ENPP2: variants seen among roughly 807,000 people sequenced by gnomAD.
ENPP2 encodes autotaxin.
A neutral mutation model predicts 120.2 loss-of-function variants in ENPP2; 51 were observed. The ratio of observed to expected loss-of-function variants is 0.42; its 90% CI spans 0.34 to 0.54. The LOEUF (loss-of-function observed/expected upper bound fraction) is 0.54, where lower values mean the gene tolerates loss of function less well. Among genes scored for constraint, ENPP2 ranks in the 20% least tolerant of loss-of-function variants. ENPP2 has a pLI of 0.04. For missense variants in ENPP2, 920 were observed against 1,066.5 expected (o/e 0.86, Z 1.91); for synonymous variants, 365 against 366.4 (o/e 1.00, Z 0.04).
Position 119,617,167 on chromosome 8 carries a change from G to A in ENPP2, c.654C>T (p.Ala218=), listed in dbSNP as rs1563737563. The change falls in exon 7 of 25, where the codon GCC becomes GCT. Residue 218 remains alanine (A), a synonymous_variant. Transcript: ENST00000075322. ...TKTFPNLYTL[A]TGLYPESHGI... is the part of the protein sequence containing the mutation. Reference sequence around the variant, plus strand: ...TATCATTCGAAAAAATACTTACAGTGGCCAAAGTGTATAAGTTAGGAAAGG... The same window carrying A: ...TATCATTCGAAAAAATACTTACAGTAGCCAAAGTGTATAAGTTAGGAAAGG... 1.9e-6 allele frequency: 3 copies of A among 1,604,948 alleles called. No homozygotes were observed. Among genetic ancestry groups the A allele is most frequent in the Non-Finnish European group, 2.6e-6 (3 of 1,171,684 alleles).
chr8:119,607,325 C>G, intron 9 of ENPP2, among the ~76,000 whole-genome samples: 1 of 152,056 alleles, frequency 6.6e-6, no homozygotes, highest in Non-Finnish European at 1.5e-5. Context: ...AACCTACAAA[C>G]AGGAATAGAA....
At chr8:119,656,513 A>T (rs1817770342) in intron 1 of ENPP2, among the ~76,000 whole-genome samples, 1 of 152,184 alleles carries the variant, frequency 6.6e-6, no homozygotes, top group Admixed American at 6.5e-5. Context: ...CCATTCATTT[A>T]TTTCCTTGTC....
chr8:119,653,027 A>C (rs1434431665), intron 1 of ENPP2, among the ~76,000 whole-genome samples: 1 of 152,134 alleles, frequency 6.6e-6, no homozygotes, highest in Non-Finnish European at 1.5e-5. Flanking sequence ...ACCCTAAATG[A>C]CTTCATTTTA....
chr8:119,623,173 G>A (rs980490795), intron 3 of ENPP2, among the ~76,000 whole-genome samples: 1 of 152,062 alleles, frequency 6.6e-6, no homozygotes, highest in African/African-American at 2.4e-5. Context: ...CATTAATAAA[G>A]AGATATTACG....
chr8:119,610,424 G>A (rs796694710), intron 8 of ENPP2, among the ~76,000 whole-genome samples: 1 of 152,046 alleles, frequency 6.6e-6, no homozygotes, highest in African/African-American at 2.4e-5. Flanking sequence ...TTCCCAAGGG[G>A]GGGAAAAAGG....
At chr8:119,632,967 G>T (rs1816774050) in intron 2 of ENPP2, among the ~76,000 whole-genome samples, 1 of 152,184 alleles carries the variant, frequency 6.6e-6, no homozygotes, top group Non-Finnish European at 1.5e-5. Context: ...TAGGGCTGAG[G>T]CAAGAGAATT....
intron 1 of ENPP2, among the ~76,000 whole-genome samples, chr8:119,671,387 T>C (rs1046102631): frequency 1.8e-4 from 27 of 152,210 alleles, no homozygotes; most frequent in Admixed American, 1.6e-3. Context: ...ATGAGACTAA[T>C]GGGAAGTTGT....
At chr8:119,587,587 T>C (rs1227690481) in intron 13 of ENPP2, among the ~76,000 whole-genome samples, 1 of 152,198 alleles carries the variant, frequency 6.6e-6, no homozygotes, top group Non-Finnish European at 1.5e-5. Flanking sequence ...TGGGTGTAAT[T>C]ACACAGGTAG....
At chr8:119,574,491 T>C (rs560653740) in intron 19 of ENPP2, among the ~76,000 whole-genome samples, 34 of 151,996 alleles carry the variant, frequency 2.2e-4, no homozygotes, top group Non-Finnish European at 4.3e-4. Context: ...ATAGTGTCTC[T>C]GGCAGTTTTG....
rs1225309244 is a variant in ENPP2 at position 119,616,390 on chromosome 8, T to C, written c.658-6A>G. On this transcript the variant is annotated splice_polypyrimidine_tract_variant and splice_region_variant and intron_variant, in intron 7 of 24. Transcript: ENST00000075322. ...TGTGATTCTGGATATAGCCCCTTTT[T>C]GTAAAAGCAAATTTATTGTTAAAAT... The C allele has an allele frequency of 6.3e-7, 1 of 1,581,700 alleles. No individual in the cohort carries two copies. The highest frequency in any genetic ancestry group is 1.3e-5 in the African/African-American group (1 of 74,466).
intron 1 of ENPP2, among the ~76,000 whole-genome samples, chr8:119,645,115 G>GA (rs1327292476): frequency 5.3e-5 from 8 of 152,166 alleles, no homozygotes; most frequent in Admixed American, 3.3e-4. Flanking sequence ...TGCAGAGAAA[G>GA]AAATGGAGGT....
intron 18 of ENPP2, among the ~76,000 whole-genome samples, chr8:119,581,763 CTT>C (rs35114182): frequency 1.7e-4 from 24 of 141,002 alleles, no homozygotes; most frequent in Admixed American, 2.1e-4. Flanking sequence ...TTTTCATTTC[CTT>C]TTTTTTTTTT....
upstream of ENPP2, among the ~76,000 whole-genome samples, chr8:119,641,101 T>A (rs1250316696): frequency 6.6e-6 from 1 of 152,200 alleles, no homozygotes; most frequent in Non-Finnish European, 1.5e-5. Context: ...TTTTACCAGC[T>A]TGTTGTGCAT....
chr8:119,601,525 G>A, intron 9 of ENPP2, 63 bp from the exon 10 acceptor site: 1 of 1,273,414 alleles, frequency 7.9e-7, no homozygotes, highest in South Asian at 1.2e-5. Context: ...CAAGCCTGAG[G>A]AGTGCTCGCT....
chr8:119,629,161 A>T (rs1816483239), intron 2 of ENPP2, among the ~76,000 whole-genome samples: 1 of 152,034 alleles, frequency 6.6e-6, no homozygotes, highest in Non-Finnish European at 1.5e-5. Flanking sequence ...ATGTGTGGGT[A>T]TGTGTATATG....
chr8:119,614,247 A>G (rs968591407), intron 8 of ENPP2, among the ~76,000 whole-genome samples: 21 of 151,738 alleles, frequency 1.4e-4, no homozygotes, highest in Non-Finnish European at 2.8e-4. Context: ...TTGTATCTTT[A>G]GTAGAGATGG....
At chr8:119,573,408 T>TAAAAAAAAAAAAAAAAAAAAAAAA (rs35227070) in intron 19 of ENPP2, among the ~76,000 whole-genome samples, 1 of 124,386 alleles carries the variant, frequency 8.0e-6, no homozygotes, top group African/African-American at 3.4e-5. Flanking sequence ...CTCCGTCTCT[T>TAAAAAAAAAAAAAAAAAAAAAAAA]AAAAAAAAAA....
In ENPP2 at chr8:119,564,909, C is replaced by A. The variant is rs140542560; in HGVS notation, c.2178G>T (p.Ser726=). 1 of 1,612,978 alleles carries A rather than the reference C, an allele frequency of 6.2e-7. No homozygotes were observed. Among genetic ancestry groups the A allele is most frequent in the African/African-American group, 1.3e-5 (1 of 74,848 alleles). ...TTATCACGTTAACTCCATTTCTTTC[C>A]GAAGCATATTTCTTCACCAATACCC... The part of the protein sequence containing the change: ...FQRVLVKKYA[S]ERNGVNVISG... The change falls in exon 23 of 25, where the codon TCG becomes TCT. Residue 726 remains serine (S), a synonymous_variant. Coordinates refer to ENST00000075322, the MANE Select transcript of ENPP2 (RefSeq NM_001040092.3).
chr8:119,598,813 G>A (rs773004494), intron 11 of ENPP2, among the ~76,000 whole-genome samples: 13 of 152,164 alleles, frequency 8.5e-5, no homozygotes, highest in Non-Finnish European at 1.9e-4. Flanking sequence ...GGAAGGGAGT[G>A]TGCTCTGGGA....
Sources: allele counts gnomAD v4.1 joint callset (sites outside exome capture counted in the v4.1 genomes callset), GRCh38; gene constraint gnomAD v4.1.1; transcripts MANE v1.5; gene names NCBI Gene and HGNC (gene_info 2026-07-23, HGNC 2026-07-21).